Variants in MTG1 observed in about 807,000 individuals in gnomAD.
MTG1 encodes the protein mitochondrial ribosome-associated GTPase 1.
A neutral mutation model predicts 39.5 loss-of-function variants in MTG1; 30 were observed. The ratio of observed to expected loss-of-function variants is 0.76; its 90% CI spans 0.57 to 1.03. The LOEUF (loss-of-function observed/expected upper bound fraction) is 1.03, where lower values mean the gene tolerates loss of function less well. Ranked by LOEUF, MTG1 falls within the 50% of genes least tolerant of loss-of-function variation. MTG1 has a pLI of 0.00. For missense variants in MTG1, 513 were observed against 447.4 expected, an observed-to-expected ratio of 1.15 and a Z score of -1.32; for synonymous variants, 217 against 179.0, an observed-to-expected ratio of 1.21 and a Z score of -1.69.
At chr10:133,411,991 AG>A (rs1322029613) in intron 9 of MTG1, among the ~76,000 whole-genome samples, 1 of 151,932 alleles carries the variant, frequency 6.6e-6, no homozygotes, top group Non-Finnish European at 1.5e-5. Context: ...GTTTTCCGTT[AG>A]CTGTTGTTTC....
chr10:133,416,390 T>A (rs934014405), intron 9 of MTG1, among the ~76,000 whole-genome samples: 9 of 149,732 alleles, frequency 6.0e-5, no homozygotes, highest in African/African-American at 2.0e-4. Flanking sequence ...ATATATATAT[T>A]TTTCTTTTTA....
intron 7 of MTG1, chr10:133,401,888 C>T: frequency 3.3e-6 from 2 of 608,102 alleles, no homozygotes; most frequent in Non-Finnish European, 2.9e-6. Context: ...CCGCCCCACC[C>T]TCCACTCCCT....
intron 9 of MTG1, among the ~76,000 whole-genome samples, chr10:133,415,153 G>A (rs1314471671): frequency 2.0e-5 from 3 of 151,474 alleles, no homozygotes; most frequent in East Asian, 1.9e-4. Context: ...GAGGGAGACC[G>A]TGGAAAGAGA....
At chr10:133,407,993 A>G (rs1485864222) in intron 9 of MTG1, among the ~76,000 whole-genome samples, 4 of 152,220 alleles carry the variant, frequency 2.6e-5, no homozygotes, top group Non-Finnish European at 5.9e-5. Flanking sequence ...TTTTCCCAAT[A>G]TAAGATTGTC....
In MTG1 at chr10:133,394,338, G is replaced by A; in HGVS notation, c.112+6G>A. The stretch of plus-strand genomic sequence containing the variant: ...CCCGGGCCACATGGCCAAGGGTGAG[G>A]CACGGCGGGGAGGGGCAAGGTCATG... On this transcript the variant is annotated splice_donor_region_variant and intron_variant, in intron 1 of 10. Coordinates refer to ENST00000317502, the MANE Select transcript of MTG1 (RefSeq NM_138384.4). The A allele has an allele frequency of 4.0e-6, 6 of 1,493,118 alleles. No homozygotes were observed. The highest frequency in any genetic ancestry group is 2.9e-5 in the East Asian group (1 of 34,678). The allele number at this position is 1,493,118 out of a possible 1,614,324, so 92.5% of individuals were successfully genotyped here.
At chr10:133,398,254 T>C (rs1436568075) in intron 3 of MTG1, among the ~76,000 whole-genome samples, 181 bp from the exon 4 acceptor site, 2 of 152,184 alleles carry the variant, frequency 1.3e-5, no homozygotes, top group African/African-American at 2.4e-5. Flanking sequence ...TCAAAAATTA[T>C]CTGGGCGTGG....
intron 9 of MTG1, among the ~76,000 whole-genome samples, chr10:133,411,611 C>CT (rs1471200015): frequency 6.6e-6 from 1 of 152,128 alleles, no homozygotes; most frequent in Admixed American, 6.5e-5. Context: ...TTTTCTGTAT[C>CT]TTGCATGTGT....
chr10:133,394,710 G>A (rs1214745807), intron 1 of MTG1: 3 of 1,053,114 alleles, frequency 2.8e-6, no homozygotes, highest in East Asian at 7.7e-5. Context: ...GAGTCTTTTG[G>A]GGACTAAATG....
intron 3 of MTG1, among the ~76,000 whole-genome samples, chr10:133,397,302 C>T (rs1472446744): frequency 1.3e-5 from 2 of 152,058 alleles, no homozygotes; most frequent in South Asian, 2.1e-4. Flanking sequence ...ACATGACCCA[C>T]GTGACCTTAC....
rs776578153 is a variant in MTG1 at position 133,399,506 on chromosome 10, GA to G, written c.421-22del. On this transcript the variant is annotated intron_variant, in intron 5 of 10. Transcript: ENST00000317502. ...CTCTAGCGGCCACGGTGGGCCCTGT[GA>G]CCCCTCTCTCTGCCTGCGCAGAACC... 151 of 1,611,856 alleles carry G rather than the reference GA, an allele frequency of 9.4e-5. 1 individual carries two copies. The South Asian group carries it at 1.6e-3, about 17-fold the overall frequency.
intron 10 of MTG1, 105 bp from the exon 11 acceptor site, chr10:133,419,921 C>T: frequency 1.5e-6 from 2 of 1,334,476 alleles, no homozygotes; most frequent in Non-Finnish European, 2.1e-6. Flanking sequence ...CTGGGCTTCC[C>T]TGATGCCATC....
chr10:133,412,768 G>C (rs1850065745), intron 9 of MTG1, among the ~76,000 whole-genome samples: 1 of 152,164 alleles, frequency 6.6e-6, no homozygotes, highest in African/African-American at 2.4e-5. Context: ...CAAAGAATCA[G>C]CTTCTGGTTT....
rs999221125 is a variant in MTG1, at chr10:133,395,588, G to A, written c.113-125G>A. The A allele has an allele frequency of 5.6e-5, 49 of 871,124 alleles. No individual in the cohort carries two copies. In the East Asian group the frequency reaches 1.3e-3, roughly 22 times the overall value. The allele number at this position is 871,124 out of a possible 1,614,324, so 54.0% of individuals were successfully genotyped here. A position where few individuals can be genotyped will look rare whatever the true frequency, so the allele number is the denominator to read the frequency against. On this transcript the variant is annotated intron_variant, in intron 1 of 10. Transcript: ENST00000317502. ...GTTATCTGTTACCATTACTTAGTAC[G>A]CTTCCCTCAGATATAGTCTTTTTAG... is the stretch of plus-strand genomic sequence containing the variant.
chr10:133,394,167 C>G lies in MTG1; in HGVS notation c.-54C>G, dbSNP rs960588582. ...CAGCGCCGGAACCTCAGAGGCGGGT[C>G]GCAGCGGCGCAGAGGAGGTCAGCTG... On this transcript the variant is annotated 5_prime_UTR_variant, in exon 1 of 11. Transcript: ENST00000317502. The G allele has an allele frequency of 7.3e-7, 1 of 1,370,492 alleles. No individual in the cohort carries two copies. Among genetic ancestry groups the G allele is most frequent in the Non-Finnish European group, 9.8e-7 (1 of 1,022,590 alleles). The allele number at this position is 1,370,492 out of a possible 1,614,324, so 84.9% of individuals were successfully genotyped here. A position where few individuals can be genotyped will look rare whatever the true frequency, so the allele number is the denominator to read the frequency against.
At chr10:133,399,852 C>A (rs1849847140) in intron 6 of MTG1, 2 of 478,440 alleles carry the variant, frequency 4.2e-6, no homozygotes, top group Admixed American at 3.8e-5. Context: ...CTTTTAAAAT[C>A]TTTAACATGA....
intron 9 of MTG1, among the ~76,000 whole-genome samples, chr10:133,405,694 T>G (rs527661530): frequency 6.6e-6 from 1 of 152,364 alleles, no homozygotes; most frequent in African/African-American, 2.4e-5. Context: ...GGCTAATATT[T>G]CATTGTGTTT....
intron 7 of MTG1, 185 bp from the exon 8 acceptor site, chr10:133,401,964 A>C: frequency 3.1e-6 from 2 of 637,828 alleles, no homozygotes; most frequent in East Asian, 2.7e-5. Flanking sequence ...TTATTCTCCA[A>C]ATTAAGTGGG....
In MTG1 at chr10:133,399,005, A is replaced by G. The variant is rs536818744; in HGVS notation, c.364-165A>G. On this transcript the variant is annotated intron_variant, in intron 4 of 10. Coordinates refer to ENST00000317502, the MANE Select transcript of MTG1 (RefSeq NM_138384.4). ...ATGAAGGGTGACGCCCAGTTTGCCT[A>G]TGAAATGTTGGGTAGAATTCCAGAT... is the stretch of plus-strand genomic sequence containing the variant. 7.9e-5 allele frequency among the ~76,000 whole-genome samples: 12 copies of G among 152,260 alleles called. No individual in the cohort carries two copies. The East Asian group carries it at 2.1e-3, about 27-fold the overall frequency.
Position 133,402,881 on chromosome 10 carries a change from C to G in MTG1, c.752+108C>G. ...CAGCATTATAAAGGTATTATAAACA[C>G]GGTAACCTGCACATCGTTTAAAGCG... is the stretch of plus-strand genomic sequence containing the variant. On this transcript the variant is annotated intron_variant, in intron 9 of 10. Transcript: ENST00000317502. This position sits in a 1 kb window ranked among gnomAD's most constrained non-coding sequence, Gnocchi z 4.7. 1.2e-6 allele frequency: 1 copy of G among 812,532 alleles called. No individual in the cohort carries two copies. Among genetic ancestry groups the G allele is most frequent in the East Asian group, 2.7e-5 (1 of 37,458 alleles). 50.3% of individuals were successfully genotyped at this position (812,532 alleles called of 1,614,324 possible). A position where few individuals can be genotyped will look rare whatever the true frequency, so the allele number is the denominator to read the frequency against.
Sources: allele counts gnomAD v4.1 joint callset (sites outside exome capture counted in the v4.1 genomes callset), GRCh38; gene constraint gnomAD v4.1.1; non-coding constraint Gnocchi (gnomAD v3.1); transcripts MANE v1.5; gene names NCBI Gene and HGNC (gene_info 2026-07-23, HGNC 2026-07-21).